The following PHEX variants were observed in gnomAD, a reference collection of about 807,000 sequenced individuals.
The protein encoded by PHEX is phosphate regulating endopeptidase X-linked.
In PHEX, 16 loss-of-function variants were observed where a neutral mutation model predicts 68.0. The ratio of observed to expected loss-of-function variants is 0.24; its 90% confidence interval spans 0.16 to 0.36. The LOEUF (loss-of-function observed/expected upper bound fraction) is 0.36, where lower values mean the gene tolerates loss of function less well. Among genes scored for constraint, PHEX ranks in the 10% least tolerant of loss-of-function variants. The probability of loss-of-function intolerance (pLI) is 1.00; values close to 1 mark genes in which losing one functional copy is unlikely to be tolerated. For missense variants in PHEX, 480 were observed against 575.5 expected (o/e 0.83, Z 1.70); for synonymous variants, 208 against 205.1 (o/e 1.01, Z -0.12).
Position 22,221,756 on chromosome X carries a change from G to A in PHEX, c.1899+13G>A. The stretch of plus-strand genomic sequence containing the variant: ...AGCTGGCTTAAATGTGAGTACAACT[G>A]TGGCTAAGGGGGGCACCTTGTGGTT... On this transcript the variant is annotated intron_variant, in intron 18 of 21. Transcript: ENST00000379374. The A allele has an allele frequency of 8.4e-7, 1 of 1,197,433 alleles. No homozygotes were observed. The highest frequency in any genetic ancestry group is 1.8e-5 in the South Asian group (1 of 56,641).
chrX:22,068,161 A>G (rs1418416297), intron 3 of PHEX, among the ~76,000 whole-genome samples: 1 of 111,148 alleles, frequency 9.0e-6, no homozygotes, highest in East Asian at 2.8e-4. Context: ...TTATTATTCC[A>G]ATGTTCACTC....
rs540966419 is a variant in PHEX, at chrX:22,249,442, T to TAAAAAAAAAAAA, written c.*1492_*1503dup. 1 of 38,678 alleles carries TAAAAAAAAAAAA rather than the reference T, an allele frequency of 2.6e-5. No homozygotes were observed. The highest frequency in any genetic ancestry group is 1.7e-4 in the African/African-American group (1 of 5,956). 3.2% of individuals were successfully genotyped at this position (38,678 alleles called of 1,213,427 possible). ...GTGTCCCTGTGATTTGTGATTCTTTTAAAAAAAAAAAAAATATATATATAT... is the reference window on the plus strand; with the variant it reads ...GTGTCCCTGTGATTTGTGATTCTTTTAAAAAAAAAAAAAAAAAAAAAAAAAATATATATATAT... On this transcript the variant is annotated 3_prime_UTR_variant, in exon 22 of 22. Coordinates refer to ENST00000379374, the MANE Select transcript of PHEX (RefSeq NM_000444.6).
At chrX:22,092,853 G>A (rs1255517344) in intron 6 of PHEX, among the ~76,000 whole-genome samples, 3 of 102,038 alleles carry the variant, frequency 2.9e-5, no homozygotes, top group Non-Finnish European at 3.9e-5. Context: ...GGGTTCAAGC[G>A]ATTCTGCTAC....
In PHEX at chrX:22,250,315, G is replaced by C. The variant is rs2147221671; in HGVS notation, c.*2362G>C. ...AGAAAGAGAAAGGTAAAATGCAACTGGAAGGGAAAGAAAAAAGTAGGGAGA... is the reference window on the plus strand; with the variant it reads ...AGAAAGAGAAAGGTAAAATGCAACTCGAAGGGAAAGAAAAAAGTAGGGAGA... On this transcript the variant is annotated 3_prime_UTR_variant, in exon 22 of 22. Coordinates refer to ENST00000379374, the MANE Select transcript of PHEX (RefSeq NM_000444.6). 1 of 112,111 alleles carries C rather than the reference G, an allele frequency of 8.9e-6. No individual in the cohort carries two copies. Among genetic ancestry groups the C allele is most frequent in the South Asian group, 3.7e-4 (1 of 2,700 alleles). The allele number at this position is 112,111 out of a possible 1,213,427, so 9.2% of individuals were successfully genotyped here. A position where few individuals can be genotyped will look rare whatever the true frequency, so the allele number is the denominator to read the frequency against.
chrX:22,216,500 T>TGC (rs1569430153), intron 16 of PHEX, among the ~76,000 whole-genome samples: 5 of 83,606 alleles, frequency 6.0e-5, no homozygotes, highest in Non-Finnish European at 1.3e-4. Context: ...TGCTTATTTA[T>TGC]TTATTTATTT....
chrX:22,191,121 A>G (rs142932965), intron 15 of PHEX, among the ~76,000 whole-genome samples: 14,262 of 111,175 alleles, frequency 0.13, 1,218 homozygotes, highest in African/African-American at 0.31. Flanking sequence ...CCAGGTTCAA[A>G]TTATTCTTGT....
chrX:22,237,301 C>T (rs753382655), intron 20 of PHEX, among the ~76,000 whole-genome samples: 1 of 111,871 alleles, frequency 8.9e-6, no homozygotes, highest in Non-Finnish European at 1.9e-5. Context: ...ATCAAGGGAT[C>T]GCATTACAAA....
At chrX:22,138,778 C>T (rs959127382) in intron 12 of PHEX, among the ~76,000 whole-genome samples, 3 of 112,220 alleles carry the variant, frequency 2.7e-5, no homozygotes, top group Non-Finnish European at 5.6e-5. Context: ...TTTGCATAAC[C>T]GCTCAAGAAT....
intron 12 of PHEX, among the ~76,000 whole-genome samples, chrX:22,136,175 T>C (rs895378968): frequency 2.1e-5 from 2 of 95,680 alleles, no homozygotes; most frequent in Admixed American, 2.3e-4. Flanking sequence ...GGCGTTGTTT[T>C]TGAAAAAAAA....
chrX:22,139,278 G>A (rs1295592891), intron 12 of PHEX, among the ~76,000 whole-genome samples: 1 of 111,584 alleles, frequency 9.0e-6, no homozygotes, highest in East Asian at 2.8e-4. Flanking sequence ...GTGCCTCTGG[G>A]AGGGGAGGCT....
At chrX:22,066,248 AG>A (rs1928595813) in intron 3 of PHEX, among the ~76,000 whole-genome samples, 1 of 112,030 alleles carries the variant, frequency 8.9e-6, no homozygotes, top group South Asian at 3.7e-4. Flanking sequence ...TGGAGGAGGT[AG>A]CTGACAAATG....
chrX:22,082,780 C>T (rs1048889385), intron 5 of PHEX, among the ~76,000 whole-genome samples: 1 of 111,682 alleles, frequency 9.0e-6, no homozygotes, highest in Admixed American at 9.6e-5. Flanking sequence ...TGGAATCTTG[C>T]CCAAAGTAAT....
At chrX:22,130,111 G>C (rs1931921337) in intron 11 of PHEX, among the ~76,000 whole-genome samples, 1 of 111,667 alleles carries the variant, frequency 9.0e-6, no homozygotes, top group African/African-American at 3.3e-5. Context: ...CCATTGGTTT[G>C]GTCTCTAAAT....
chrX:22,248,515 T>A lies in PHEX; in HGVS notation c.*562T>A. The A allele has an allele frequency of 8.3e-6, 1 of 120,065 alleles. No individual in the cohort carries two copies. The highest frequency in any genetic ancestry group is 1.8e-5 in the Non-Finnish European group (1 of 56,846). The allele number at this position is 120,065 out of a possible 1,213,427, so 9.9% of individuals were successfully genotyped here. ...CTCCATTTTACACTTTTTGATGAAG[T>A]TCTTGCCTTCAGCTTTGGAGTCTGT... is the stretch of plus-strand genomic sequence containing the variant. On this transcript the variant is annotated 3_prime_UTR_variant, in exon 22 of 22. Coordinates refer to ENST00000379374, the MANE Select transcript of PHEX (RefSeq NM_000444.6).
At chrX:22,185,342 C>G (rs1329248506) in intron 14 of PHEX, among the ~76,000 whole-genome samples, 1 of 112,226 alleles carries the variant, frequency 8.9e-6, no homozygotes, top group Non-Finnish European at 1.9e-5. Flanking sequence ...TCAGCACTTA[C>G]CATTTGGACA....
chrX:22,095,625 A>C (rs1206124178), intron 7 of PHEX, among the ~76,000 whole-genome samples: 3 of 111,871 alleles, frequency 2.7e-5, no homozygotes, highest in Non-Finnish European at 3.8e-5. Context: ...CCGAGCCAGG[A>C]GGCTGTTTGT....
chrX:22,045,821 T>C (rs55896780), intron 2 of PHEX, among the ~76,000 whole-genome samples: 7,390 of 111,993 alleles, frequency 0.066, 308 homozygotes, highest in African/African-American at 0.15. Context: ...CAAGCTCCCT[T>C]CCAGGATCTC....
At chrX:22,229,603 T>C (rs142729813) in intron 20 of PHEX, among the ~76,000 whole-genome samples, 317 of 112,559 alleles carry the variant, frequency 2.8e-3, no homozygotes, top group South Asian at 0.013. Context: ...TTTTTTCTTG[T>C]AAATTTGTAT....
intron 11 of PHEX, among the ~76,000 whole-genome samples, chrX:22,130,989 G>A (rs938340530): frequency 3.6e-5 from 4 of 111,071 alleles, no homozygotes; most frequent in South Asian, 3.8e-4. Context: ...CTAGCATCCC[G>A]ATGCCCACGA....
Sources: gnomAD v4.1 joint callset for allele counts (sites outside exome capture counted in the v4.1 genomes callset) on GRCh38, gnomAD v4.1.1 for gene constraint, MANE v1.5 for transcripts, NCBI Gene and HGNC (gene_info 2026-07-23, HGNC 2026-07-21) for gene names.